The following CSMD1 variants were observed in gnomAD, a reference collection of about 807,000 sequenced individuals.
CSMD1 encodes CUB and sushi domain-containing protein 1.
CSMD1 carries 213 observed loss-of-function variants against 417.5 expected under a neutral mutation model. That is an observed-to-expected ratio of 0.51 (90% confidence interval 0.46 to 0.57). The LOEUF (loss-of-function observed/expected upper bound fraction) is 0.57. Among genes scored for constraint, CSMD1 ranks in the 20% least tolerant of loss-of-function variants. The probability of loss-of-function intolerance (pLI) is 0.00; values close to 1 mark genes in which losing one functional copy is unlikely to be tolerated. For synonymous variants in CSMD1, 2,862 were observed against 1,736.8 expected, an observed-to-expected ratio of 1.65 and a Z score of -16.11; for missense variants, 6,923 against 4,529.7, an observed-to-expected ratio of 1.53 and a Z score of -15.17.
intron 1 of CSMD1, among the ~76,000 whole-genome samples, chr8:4,978,260 G>A (rs990998382): frequency 6.6e-6 from 1 of 152,112 alleles, no homozygotes; most frequent in Non-Finnish European, 1.5e-5. Context: ...TCAAAGGGGG[G>A]ACAGGCAGGT....
At chr8:4,739,699 G>C (rs146397645) in intron 1 of CSMD1, among the ~76,000 whole-genome samples, 1 of 152,082 alleles carries the variant, frequency 6.6e-6, no homozygotes, top group Non-Finnish European at 1.5e-5. Flanking sequence ...CTAGCATTTT[G>C]TGTCTAGCAC....
At chr8:3,262,823 T>G (rs1801179826) in intron 26 of CSMD1, among the ~76,000 whole-genome samples, 1 of 152,172 alleles carries the variant, frequency 6.6e-6, no homozygotes, top group Non-Finnish European at 1.5e-5. Context: ...CATAAGTAAA[T>G]GAATTCTACA....
chr8:3,884,818 A>C (rs1270955681), intron 5 of CSMD1, among the ~76,000 whole-genome samples: 1 of 151,790 alleles, frequency 6.6e-6, no homozygotes, highest in Non-Finnish European at 1.5e-5. Flanking sequence ...ACGCAAGGAG[A>C]ATCTCTACTT....
At chr8:3,627,990 A>G (rs948153607) in intron 7 of CSMD1, among the ~76,000 whole-genome samples, 3 of 152,352 alleles carry the variant, frequency 2.0e-5, no homozygotes, top group South Asian at 2.1e-4. Context: ...CTTACCTTAT[A>G]TATCTAATAT....
chr8:4,846,711 G>C (rs1156322864), intron 1 of CSMD1, among the ~76,000 whole-genome samples: 1 of 152,176 alleles, frequency 6.6e-6, no homozygotes, highest in East Asian at 1.9e-4. Flanking sequence ...TCCCATTTTA[G>C]ATTAAAATCT....
rs1253226462 is a variant in CSMD1, at chr8:3,796,498, TATAG to T, written c.819-42460_819-42457del. The stretch of plus-strand genomic sequence containing the variant: ...TAGATATCTATCTATCATGTATAGA[TATAG>T]ATATATATATCTATATATCTATATC... On this transcript the variant is annotated intron_variant, in intron 5 of 69. Transcript: ENST00000635120. Among the ~76,000 whole-genome samples the T allele has an allele frequency of 1.5e-4, 21 of 144,144 alleles. No homozygotes were observed. In the East Asian group the frequency reaches 1.6e-3, roughly 11 times the overall value. The allele number at this position is 144,144 out of a possible 152,430, so 94.6% of individuals were successfully genotyped here.
At chr8:4,356,536 G>C (rs926440849) in intron 3 of CSMD1, among the ~76,000 whole-genome samples, 4 of 152,144 alleles carry the variant, frequency 2.6e-5, no homozygotes, top group African/African-American at 9.7e-5. Context: ...TGAAGTCTTA[G>C]AGTATTTTAA....
chr8:3,667,627 T>C (rs1337640819), intron 7 of CSMD1, among the ~76,000 whole-genome samples: 1 of 152,136 alleles, frequency 6.6e-6, no homozygotes, highest in African/African-American at 2.4e-5. Flanking sequence ...TCCTCCTCCT[T>C]ATTTGGGTTG....
intron 2 of CSMD1, among the ~76,000 whole-genome samples, chr8:4,552,106 C>T (rs1453947547): frequency 2.6e-5 from 4 of 152,178 alleles, no homozygotes; most frequent in Non-Finnish European, 5.9e-5. Flanking sequence ...CTAGCACTGA[C>T]ATTAATGGGG....
chr8:3,281,721 G>A (rs983003955), intron 26 of CSMD1, among the ~76,000 whole-genome samples: 13 of 152,174 alleles, frequency 8.5e-5, no homozygotes, highest in African/African-American at 2.9e-4. Context: ...TTAGGGCAGG[G>A]AAATGACTGT....
chr8:2,973,974 G>C (rs976449888), intron 56 of CSMD1, among the ~76,000 whole-genome samples: 2 of 138,516 alleles, frequency 1.4e-5, no homozygotes, highest in Non-Finnish European at 3.0e-5. Context: ...AGAGGATGGT[G>C]GTAGAGGATG....
At chr8:3,960,125 T>C (rs1370636482) in intron 5 of CSMD1, among the ~76,000 whole-genome samples, 2 of 152,222 alleles carry the variant, frequency 1.3e-5, no homozygotes, top group Admixed American at 1.3e-4. Context: ...TTCAAAATGA[T>C]AATGATAGAA....
chr8:4,536,220 T>C (rs1271320077), intron 2 of CSMD1, among the ~76,000 whole-genome samples: 1 of 152,202 alleles, frequency 6.6e-6, no homozygotes, highest in South Asian at 2.1e-4. Context: ...CATTTCATTT[T>C]AACCTATTCA....
intron 2 of CSMD1, among the ~76,000 whole-genome samples, chr8:4,426,305 A>G (rs1797550774): frequency 1.3e-5 from 2 of 151,554 alleles, no homozygotes; most frequent in Admixed American, 6.6e-5. Context: ...AATTTGTTGT[A>G]GATATAAAAA....
chr8:3,582,918 G>C (rs925994742), intron 9 of CSMD1, among the ~76,000 whole-genome samples: 1 of 152,106 alleles, frequency 6.6e-6, no homozygotes, highest in African/African-American at 2.4e-5. Flanking sequence ...CACTAACTTA[G>C]GTGCTCCTGT....
chr8:4,920,768 A>G (rs1425890604), intron 1 of CSMD1, among the ~76,000 whole-genome samples: 3 of 151,754 alleles, frequency 2.0e-5, no homozygotes, highest in Admixed American at 2.0e-4. Flanking sequence ...GGTTGCACCA[A>G]GCCAAGATTG....
intron 10 of CSMD1, among the ~76,000 whole-genome samples, chr8:3,571,213 G>C (rs13271675): frequency 0.38 from 57,579 of 151,948 alleles, 11,294 homozygotes; most frequent in Middle Eastern, 0.49. Flanking sequence ...TCTGCTTTCT[G>C]CATGCTGTCA....
intron 5 of CSMD1, among the ~76,000 whole-genome samples, chr8:3,850,958 T>C (rs1803864905): frequency 6.6e-6 from 1 of 152,216 alleles, no homozygotes; most frequent in South Asian, 2.1e-4. Flanking sequence ...CTTGTTGTTA[T>C]ATAAAATAAC....
chr8:3,917,863 T>G (rs1312360118), intron 5 of CSMD1, among the ~76,000 whole-genome samples: 2 of 152,156 alleles, frequency 1.3e-5, no homozygotes, highest in Non-Finnish European at 2.9e-5. Context: ...CTTAGAAATT[T>G]TAGGCCTTTA....
Sources: allele counts gnomAD v4.1 joint callset (sites outside exome capture counted in the v4.1 genomes callset), GRCh38; gene constraint gnomAD v4.1.1; transcripts MANE v1.5; gene names NCBI Gene and HGNC (gene_info 2026-07-23, HGNC 2026-07-21).